Variants in STON2 observed in about 807,000 individuals in gnomAD.
STON2 encodes stonin 2, also known as stonin-2.
In STON2, 29 loss-of-function variants were observed where a neutral mutation model predicts 65.7. The observed-to-expected ratio is 0.44, with a 90% CI of 0.33 to 0.60. The LOEUF is 0.60. Ranked by LOEUF, STON2 falls within the 20% of genes least tolerant of loss-of-function variation. STON2 has a pLI of 0.03. For missense variants in STON2, 1,054 were observed against 1,118.1 expected (o/e 0.94, Z 0.82); for synonymous variants, 404 against 414.2 (o/e 0.98, Z 0.30).
At chr14:81,288,663 C>G (rs1356484161) in intron 5 of STON2, among the ~76,000 whole-genome samples, 2 of 152,112 alleles carry the variant, frequency 1.3e-5, no homozygotes, top group Non-Finnish European at 2.9e-5. Context: ...GGAGCTCAGC[C>G]TTTTGGATGT....
intron 4 of STON2, among the ~76,000 whole-genome samples, chr14:81,360,943 A>G (rs1898466583): frequency 6.6e-6 from 1 of 152,130 alleles, no homozygotes; most frequent in African/African-American, 2.4e-5. Context: ...AAAAGAATAC[A>G]TTTAACCAAA....
At chr14:81,284,340 A>G in intron 5 of STON2, among the ~76,000 whole-genome samples, 1 of 152,228 alleles carries the variant, frequency 6.6e-6, no homozygotes, top group East Asian at 1.9e-4. Flanking sequence ...TTGTGAATGC[A>G]AAGGAAAACT....
At chr14:81,415,668 CAAA>C (rs35270491) in intron 2 of STON2, among the ~76,000 whole-genome samples, 15 of 77,264 alleles carry the variant, frequency 1.9e-4, no homozygotes, top group Non-Finnish European at 1.7e-4. Context: ...GACTCCATCG[CAAA>C]AAAAAAAAAA....
chr14:81,303,983 T>C (rs1896072680), intron 5 of STON2, among the ~76,000 whole-genome samples: 1 of 152,194 alleles, frequency 6.6e-6, no homozygotes, highest in Non-Finnish European at 1.5e-5. Flanking sequence ...CCGTGAATAA[T>C]GACTATCCTG....
chr14:81,382,332 G>C (rs1321151576), intron 3 of STON2, among the ~76,000 whole-genome samples: 1 of 152,076 alleles, frequency 6.6e-6, no homozygotes, highest in Non-Finnish European at 1.5e-5. Context: ...AAAACTAAAA[G>C]AACCATAGCT....
chr14:81,395,810 G>T, intron 3 of STON2, 84 bp downstream of exon 3: 1 of 1,401,780 alleles, frequency 7.1e-7, no homozygotes, highest in Non-Finnish European at 9.9e-7. Flanking sequence ...AGATGAAATG[G>T]AATCCTGGCA....
rs1472534535 is a variant in STON2, at chr14:81,262,809, G to T, written c.*5605C>A. 1.0e-6 allele frequency: 1 copy of T among 985,138 alleles called. No individual in the cohort carries two copies. Among genetic ancestry groups the T allele is most frequent in the Non-Finnish European group, 1.2e-6 (1 of 829,794 alleles). The allele number at this position is 985,138 out of a possible 1,614,324, so 61.0% of individuals were successfully genotyped here. A position where few individuals can be genotyped will look rare whatever the true frequency, so the allele number is the denominator to read the frequency against. ...TTCTTGTTCTAGTTAATACATGGGA[G>T]AATATTACTAATACATACATTTGTT... On this transcript the variant is annotated 3_prime_UTR_variant, in exon 8 of 8. Transcript: ENST00000614646.
chr14:81,355,638 TAAGTG>T (rs1898196892), intron 4 of STON2, among the ~76,000 whole-genome samples: 1 of 152,218 alleles, frequency 6.6e-6, no homozygotes, highest in African/African-American at 2.4e-5. Context: ...TAGGTACTGA[TAAGTG>T]AAGTTTTTAA....
At chr14:81,333,415 C>T (rs1852393) in intron 4 of STON2, 304,176 of 346,572 alleles carry the variant, frequency 0.88, 133,980 homozygotes, top group South Asian at 0.92. Flanking sequence ...GCTTTAAATA[C>T]GTTTTTTTCA....
chr14:81,386,155 T>A (rs1899792020), intron 3 of STON2, among the ~76,000 whole-genome samples: 1 of 152,042 alleles, frequency 6.6e-6, no homozygotes, highest in Admixed American at 6.6e-5. Context: ...GGGTACAGCA[T>A]CCTCTGAGAC....
chr14:81,344,179 T>C (rs548336374), intron 4 of STON2, among the ~76,000 whole-genome samples: 10 of 152,306 alleles, frequency 6.6e-5, no homozygotes, highest in African/African-American at 2.4e-4. Flanking sequence ...ATAGTCCCCG[T>C]AAGATATTTC....
chr14:81,303,233 G>A (rs1896040402), intron 5 of STON2, among the ~76,000 whole-genome samples: 1 of 152,138 alleles, frequency 6.6e-6, no homozygotes, highest in Non-Finnish European at 1.5e-5. Context: ...CAAAATATTT[G>A]AAGGGCAAGC....
At chr14:81,427,680 T>C (rs1275887671) in intron 1 of STON2, among the ~76,000 whole-genome samples, 1 of 151,714 alleles carries the variant, frequency 6.6e-6, no homozygotes, top group African/African-American at 2.4e-5. Context: ...ACCAACTTTT[T>C]AGAGATCATA....
chr14:81,342,934 C>T (rs1286961252), intron 4 of STON2, among the ~76,000 whole-genome samples: 1 of 152,158 alleles, frequency 6.6e-6, no homozygotes, highest in Non-Finnish European at 1.5e-5. Flanking sequence ...CACCTGCTTT[C>T]CACTGGCCCC....
rs200510509 is a variant in STON2 at position 81,277,634 on chromosome 14, C to G, written c.1848G>C (p.Leu616Phe). 70 of 1,614,168 alleles carry G rather than the reference C, an allele frequency of 4.3e-5. No individual in the cohort carries two copies. Among genetic ancestry groups the G allele is most frequent in the South Asian group, 1.8e-4 (16 of 91,078 alleles). ...CAAGGTAGTTGAGGCCAACTGTGCT[C>G]AAGTCCATTGACAACACTGGCAGAT... ...LMDLPVLSMD[L>F]STVGLNYLEE... The change falls in exon 6 of 8, where the codon TTG becomes TTC. Residue 616 changes from leucine (L) to phenylalanine (F), a missense_variant. By Grantham distance (22) the Leu-to-Phe change is conservative. Coordinates refer to ENST00000614646, the MANE Select transcript of STON2 (RefSeq NM_001394390.1).
At chr14:81,394,881 A>G (rs866368777) in intron 3 of STON2, 2 of 152,372 alleles carry the variant, frequency 1.3e-5, no homozygotes, top group African/African-American at 4.8e-5. Flanking sequence ...ATACAGAATC[A>G]TAAGATGATA....
At chr14:81,387,770 T>C (rs1455570676) in intron 3 of STON2, among the ~76,000 whole-genome samples, 1 of 150,254 alleles carries the variant, frequency 6.7e-6, no homozygotes, top group Non-Finnish European at 1.5e-5. Context: ...CGGGTGCCTG[T>C]AGTCCCAGTA....
In STON2 at chr14:81,398,471, G is replaced by C. The variant is rs1008617490; in HGVS notation, c.-89C>G. Reference sequence around the variant, plus strand: ...GGTGGGCTGGAGTAGGGGTATGGTAGTACGGTAGACTTGGGTCCAGGGTCT... The same window carrying C: ...GGTGGGCTGGAGTAGGGGTATGGTACTACGGTAGACTTGGGTCCAGGGTCT... On this transcript the variant is annotated 5_prime_UTR_variant, in exon 2 of 8. Transcript: ENST00000614646. 1.0e-6 allele frequency: 1 copy of C among 996,154 alleles called. No homozygotes were observed. The highest frequency in any genetic ancestry group is 1.4e-5 in the South Asian group (1 of 72,156). 61.7% of individuals were successfully genotyped at this position (996,154 alleles called of 1,614,324 possible).
At chr14:81,292,765 G>A (rs186517488) in intron 5 of STON2, among the ~76,000 whole-genome samples, 1 of 152,288 alleles carries the variant, frequency 6.6e-6, no homozygotes, top group African/African-American at 2.4e-5. Context: ...TTTATAATAA[G>A]TGTCTTCTGA....
Sources: gnomAD v4.1 joint callset for allele counts (sites outside exome capture counted in the v4.1 genomes callset) on GRCh38, gnomAD v4.1.1 for gene constraint, MANE v1.5 for transcripts, NCBI Gene and HGNC (gene_info 2026-07-23, HGNC 2026-07-21) for gene names.